The following CCNE1 variants were observed in gnomAD, a reference collection of about 807,000 sequenced individuals.
The protein encoded by CCNE1 is G1/S-specific cyclin-E1.
CCNE1 carries 8 observed loss-of-function variants against 54.1 expected under a neutral mutation model. The observed-to-expected ratio is 0.15, with a 90% confidence interval of 0.09 to 0.27. The LOEUF is 0.27. CCNE1 is among the 10% of genes least tolerant of loss of function. The pLI is 1.00. For synonymous variants in CCNE1, 179 were observed against 185.2 expected (o/e 0.97, Z 0.27); for missense variants, 430 against 514.9 (o/e 0.84, Z 1.60).
At chr19:29,815,205 C>T (rs1443340282) in intron 4 of CCNE1, among the ~76,000 whole-genome samples, 2 of 152,238 alleles carry the variant, frequency 1.3e-5, no homozygotes, top group Non-Finnish European at 2.9e-5. Flanking sequence ...TCAGATGTGC[C>T]AGCCATCTGG....
Position 29,822,502 on chromosome 19 carries a change from G to C in CCNE1, c.1009G>C (p.Val337Leu). 1 of 1,614,128 alleles carries C rather than the reference G, an allele frequency of 6.2e-7. No individual in the cohort carries two copies. The highest frequency in any genetic ancestry group is 8.5e-7 in the Non-Finnish European group (1 of 1,180,026). The change falls in exon 11 of 12, where the codon GTT becomes CTT. Residue 337 changes from valine (V) to leucine (L), a missense_variant. Coordinates refer to ENST00000262643, the MANE Select transcript of CCNE1 (RefSeq NM_001238.4). The stretch of plus-strand genomic sequence containing the variant: ...CAAGTGGATGGTTCCATTTGCCATG[G>C]TTATAAGGGAGACGGGGAGCTCAAA... ...CVKWMVPFAM[V>L]IRETGSSKLK...
At chr19:29,815,546 C>CA (rs1973993622) in intron 4 of CCNE1, among the ~76,000 whole-genome samples, 1 of 151,814 alleles carries the variant, frequency 6.6e-6, no homozygotes, top group African/African-American at 2.4e-5. Flanking sequence ...GTAGCACTTA[C>CA]AGCCCGAGTT....
At chr19:29,819,099 CAG>C (rs1974092842) in intron 6 of CCNE1, among the ~76,000 whole-genome samples, 1 of 151,802 alleles carries the variant, frequency 6.6e-6, no homozygotes, top group South Asian at 2.1e-4. Flanking sequence ...AAAAAATTGT[CAG>C]GGTATAGTGG....
intron 4 of CCNE1, among the ~76,000 whole-genome samples, chr19:29,815,369 C>T (rs1486486307): frequency 2.0e-5 from 3 of 152,208 alleles, no homozygotes; most frequent in Admixed American, 6.5e-5. Flanking sequence ...CAGCCTTGCT[C>T]GCACAGCTGT....
intron 4 of CCNE1, 61 bp from the exon 5 acceptor site, chr19:29,817,076 T>C: frequency 6.5e-7 from 1 of 1,535,986 alleles, no homozygotes; most frequent in East Asian, 2.3e-5. Context: ...GTAATGTTTT[T>C]GGGTAATGTA....
intron 4 of CCNE1, among the ~76,000 whole-genome samples, chr19:29,815,499 A>G (rs3218039): frequency 0.018 from 2,709 of 152,206 alleles, 57 homozygotes; most frequent in African/African-American, 0.052. Flanking sequence ...AAGGCGGCCA[A>G]TGTGTTGTGG....
In CCNE1 at chr19:29,811,991, A is replaced by AGGAGCAGCCGGCGCGGCCGCC. The variant is rs1472937689; in HGVS notation, c.-185_-165dup. On this transcript the variant is annotated 5_prime_UTR_variant, in exon 1 of 12. Transcript: ENST00000262643. Reference sequence around the variant, plus strand: ...AAATGTCCCGCTCTGAGCCGGGCGCAGGAGCAGCCGGCGCGGCCGCCAGCG... The same window carrying AGGAGCAGCCGGCGCGGCCGCC: ...AAATGTCCCGCTCTGAGCCGGGCGCAGGAGCAGCCGGCGCGGCCGCCGGAGCAGCCGGCGCGGCCGCCAGCG... 4 of 146,540 alleles carry AGGAGCAGCCGGCGCGGCCGCC rather than the reference A, an allele frequency of 2.7e-5. No individual in the cohort carries two copies. Among genetic ancestry groups the AGGAGCAGCCGGCGCGGCCGCC allele is most frequent in the African/African-American group, 7.4e-5 (3 of 40,400 alleles). The allele number at this position is 146,540 out of a possible 1,614,324, so 9.1% of individuals were successfully genotyped here. A position where few individuals can be genotyped will look rare whatever the true frequency, so the allele number is the denominator to read the frequency against.
intron 4 of CCNE1, among the ~76,000 whole-genome samples, chr19:29,813,988 G>T (rs970926281): frequency 6.6e-6 from 1 of 152,182 alleles, no homozygotes; most frequent in Non-Finnish European, 1.5e-5. Flanking sequence ...CAGCAGCCAG[G>T]GTAGTTCATC....
chr19:29,822,086 C>G lies in CCNE1; in HGVS notation c.796C>G (p.Leu266Val). The change falls in exon 9 of 12, where the codon CTA (leucine) becomes GTA (valine). Residue 266 changes from leucine to valine, a missense_variant. Leu to Val is a conservative substitution (Grantham distance 32, BLOSUM62 1). Coordinates refer to ENST00000262643, the MANE Select transcript of CCNE1 (RefSeq NM_001238.4). ...VAYLNDLHEV[L>V]LPQYPQQIFI... Reference sequence around the variant, plus strand: ...ATATCTAAATGACTTACATGAAGTGCTACTGCCGCAGTATCCCCAGCAAAT... The same window carrying G: ...ATATCTAAATGACTTACATGAAGTGGTACTGCCGCAGTATCCCCAGCAAAT... The G allele has an allele frequency of 6.2e-7, 1 of 1,614,024 alleles. No homozygotes were observed. Among genetic ancestry groups the G allele is most frequent in the South Asian group, 1.1e-5 (1 of 91,084 alleles).
At chr19:29,816,403 A>G (rs1974016419) in intron 4 of CCNE1, among the ~76,000 whole-genome samples, 1 of 152,176 alleles carries the variant, frequency 6.6e-6, no homozygotes, top group Non-Finnish European at 1.5e-5. Context: ...GGTTTCTAAT[A>G]GTTCCTTATT....
intron 6 of CCNE1, among the ~76,000 whole-genome samples, chr19:29,818,841 C>T (rs1241909703): frequency 6.6e-6 from 1 of 151,300 alleles, no homozygotes; most frequent in African/African-American, 2.4e-5. Context: ...TGGCTCACCA[C>T]AACCTCTGCC....
chr19:29,822,805 A>T (rs922493974), intron 11 of CCNE1, among the ~76,000 whole-genome samples: 1 of 152,036 alleles, frequency 6.6e-6, no homozygotes, highest in African/African-American at 2.4e-5. Flanking sequence ...TTAGCCGGCT[A>T]TGGTGGTGGG....
chr19:29,819,037 ACAGGCGTGAGCCACTGCG>A lies in CCNE1; in HGVS notation c.462+1498_462+1515del, dbSNP rs781229666. Among the ~76,000 whole-genome samples the A allele has an allele frequency of 9.2e-5, 14 of 151,690 alleles. No individual in the cohort carries two copies. The Middle Eastern group carries it at 0.01, about 111-fold the overall frequency. On this transcript the variant is annotated intron_variant, in intron 6 of 11. Transcript: ENST00000262643. ...CTTGGCCTCCCAAAGTGCTGGGATT[ACAGGCGTGAGCCACTGCG>A]CCTGGCCCTTGAGACCCCATTTCAA...
chr19:29,823,913 G>A lies in CCNE1; in HGVS notation c.*136G>A, dbSNP rs189158036. The A allele has an allele frequency of 1.3e-5, 13 of 1,024,244 alleles. No homozygotes were observed. In the East Asian group the frequency reaches 1.3e-4, roughly 10 times the overall value. The allele number at this position is 1,024,244 out of a possible 1,614,324, so 63.4% of individuals were successfully genotyped here. On this transcript the variant is annotated 3_prime_UTR_variant, in exon 12 of 12. Coordinates refer to ENST00000262643, the MANE Select transcript of CCNE1 (RefSeq NM_001238.4). ...TTTCTTCCACAACAGAAGTATTTCT[G>A]TGGATGGCATCAAACAGGGCAAAGT...
intron 6 of CCNE1, among the ~76,000 whole-genome samples, chr19:29,817,929 C>G (rs2145723150): frequency 7.1e-6 from 1 of 140,074 alleles, no homozygotes; most frequent in Non-Finnish European, 1.5e-5. Context: ...GGCACAATCT[C>G]AGCTCACTGC....
intron 6 of CCNE1, among the ~76,000 whole-genome samples, chr19:29,818,384 ACTC>A: frequency 6.6e-6 from 1 of 151,082 alleles, no homozygotes; most frequent in East Asian, 2.0e-4. Context: ...CTGGTCTTGA[ACTC>A]CTGACCTTGT....
Position 29,823,908 on chromosome 19 carries a change from T to C in CCNE1, c.*131T>C. 6.8e-6 allele frequency: 7 copies of C among 1,030,238 alleles called. No homozygotes were observed. The highest frequency in any genetic ancestry group is 6.9e-6 in the Non-Finnish European group (5 of 729,864). The allele number at this position is 1,030,238 out of a possible 1,614,324, so 63.8% of individuals were successfully genotyped here. The stretch of plus-strand genomic sequence containing the variant: ...GAGTGTTTCTTCCACAACAGAAGTA[T>C]TTCTGTGGATGGCATCAAACAGGGC... On this transcript the variant is annotated 3_prime_UTR_variant, in exon 12 of 12. Coordinates refer to ENST00000262643, the MANE Select transcript of CCNE1 (RefSeq NM_001238.4).
At chr19:29,814,327 T>C (rs1174107408) in intron 4 of CCNE1, among the ~76,000 whole-genome samples, 1 of 152,212 alleles carries the variant, frequency 6.6e-6, no homozygotes, top group Non-Finnish European at 1.5e-5. Flanking sequence ...CAGCTGAAGA[T>C]GAAGCAGGGC....
chr19:29,821,701 C>T, intron 7 of CCNE1, 21 bp from the exon 8 acceptor site: 1 of 1,439,036 alleles, frequency 6.9e-7, no homozygotes, highest in Non-Finnish European at 9.8e-7. Flanking sequence ...GGTGCTAGTG[C>T]CATCTTTTAT....
Sources: allele counts gnomAD v4.1 joint callset (sites outside exome capture counted in the v4.1 genomes callset), GRCh38; gene constraint gnomAD v4.1.1; transcripts MANE v1.5; gene names NCBI Gene and HGNC (gene_info 2026-07-23, HGNC 2026-07-21).